The following OR2AT4 variants were observed in gnomAD, a reference collection of about 807,000 sequenced individuals.
OR2AT4 encodes the protein olfactory receptor family 2 subfamily AT member 4, also known as olfactory receptor 2AT4.
In OR2AT4, 6 loss-of-function variants were observed where a neutral mutation model predicts 10.3. The observed-to-expected ratio is 0.58, with a 90% confidence interval of 0.32 to 1.15. OR2AT4 has a LOEUF of 1.15. OR2AT4 is among the 50% of genes most tolerant of loss of function. OR2AT4 has a pLI of 0.05. For missense variants in OR2AT4, 354 were observed against 393.8 expected (o/e 0.90, Z 0.85); for synonymous variants, 145 against 159.1 (o/e 0.91, Z 0.67).
chr11:75,089,831 T>A, exon 2 of OR2AT4: 1 of 1,038,236 alleles, frequency 9.6e-7, no homozygotes, highest in Non-Finnish European at 1.4e-6. Flanking sequence ...GTTTACTCTG[T>A]AGGTAATATA....
chr11:75,090,329 T>C (rs4944974), exon 2 of OR2AT4: 34,309 of 152,570 alleles, frequency 0.22, 4,354 homozygotes, highest in East Asian at 0.35. Context: ...TGGTTCTTTC[T>C]GACTCCATTT....
At chr11:75,087,524 G>C (rs1215313204) in exon 2 of OR2AT4, 1 of 152,196 alleles carries the variant, frequency 6.6e-6, no homozygotes. Context: ...AGCGGTCAAG[G>C]CTGCAATGAG....
chr11:75,089,587 T>G (rs1318019037), exon 2 of OR2AT4: 1 of 1,613,774 alleles, frequency 6.2e-7, no homozygotes, highest in Non-Finnish European at 8.5e-7. Context: ...CCCATCAGGA[T>G]GAGAAGGTAG....
exon 2 of OR2AT4, chr11:75,088,740 G>A (rs1481414823): frequency 6.5e-7 from 1 of 1,543,886 alleles, no homozygotes; most frequent in Non-Finnish European, 8.7e-7. Flanking sequence ...AGAGTTAGCT[G>A]CATTTAAAGG....
intron 1 of OR2AT4, among the ~76,000 whole-genome samples, chr11:75,092,289 C>T (rs1235932867): frequency 3.9e-5 from 6 of 152,172 alleles, no homozygotes; most frequent in Admixed American, 1.3e-4. Flanking sequence ...ACAACCACTT[C>T]GGATAACAGT....
At chr11:75,081,869 A>G (rs540813038) in exon 2 of OR2AT4, 12 of 152,328 alleles carry the variant, frequency 7.9e-5, no homozygotes, top group Non-Finnish European at 8.8e-5. Context: ...TGCTGAAAAA[A>G]CTATAGATGA....
At chr11:75,083,506 A>C (rs1037031138) in exon 2 of OR2AT4, 5 of 152,196 alleles carry the variant, frequency 3.3e-5, no homozygotes, top group African/African-American at 1.2e-4. Context: ...AGAACATAAA[A>C]TAGAGCTATC....
chr11:75,090,160 G>A (rs1359380412), exon 2 of OR2AT4: 2 of 164,806 alleles, frequency 1.2e-5, no homozygotes, highest in African/African-American at 2.4e-5. Flanking sequence ...TTAAGTTGAT[G>A]TCAGATCTCA....
exon 2 of OR2AT4, chr11:75,083,752 A>G (rs944073011): frequency 2.0e-5 from 3 of 152,164 alleles, no homozygotes; most frequent in Non-Finnish European, 2.9e-5. Context: ...CTGGTGGATC[A>G]CCTGAGTTCA....
intron 1 of OR2AT4, among the ~76,000 whole-genome samples, chr11:75,094,302 A>G (rs1013440218): frequency 6.6e-6 from 1 of 151,850 alleles, no homozygotes; most frequent in East Asian, 1.9e-4. Context: ...GAGGGGAGAG[A>G]CTGGGGCAAA....
chr11:75,090,785 G>A (rs1246742799), intron 1 of OR2AT4, among the ~76,000 whole-genome samples: 1 of 151,854 alleles, frequency 6.6e-6, no homozygotes, highest in African/African-American at 2.4e-5. Flanking sequence ...GCCTCTAAAA[G>A]ACAAAACAAA....
At chr11:75,087,019 T>A (rs1241752926) in exon 2 of OR2AT4, 2 of 152,182 alleles carry the variant, frequency 1.3e-5, no homozygotes, top group Non-Finnish European at 2.9e-5. Context: ...TACTATTGAC[T>A]CTTCAAAAGT....
exon 2 of OR2AT4, chr11:75,087,903 A>G (rs1949297883): frequency 6.6e-6 from 1 of 152,188 alleles, no homozygotes; most frequent in Admixed American, 6.5e-5. Flanking sequence ...CCTTATAGAT[A>G]ACCATCTTTA....
chr11:75,091,229 T>C (rs888904651), intron 1 of OR2AT4, among the ~76,000 whole-genome samples: 11 of 152,232 alleles, frequency 7.2e-5, no homozygotes, highest in African/African-American at 2.7e-4. Context: ...CTGGGGCCTC[T>C]GTGAATCTAA....
At chr11:75,094,676 A>G (rs1949337929) in intron 1 of OR2AT4, among the ~76,000 whole-genome samples, 1 of 152,180 alleles carries the variant, frequency 6.6e-6, no homozygotes, top group Non-Finnish European at 1.5e-5. Flanking sequence ...TGAGCCCAGG[A>G]GTTCAAGACT....
At chr11:75,092,459 T>C (rs191248844) in intron 1 of OR2AT4, among the ~76,000 whole-genome samples, 256 of 152,228 alleles carry the variant, frequency 1.7e-3, no homozygotes, top group African/African-American at 5.8e-3. Context: ...TATATAGATA[T>C]CTATAGATAT....
chr11:75,092,156 G>C (rs1030018017), intron 1 of OR2AT4, among the ~76,000 whole-genome samples: 11 of 152,142 alleles, frequency 7.2e-5, no homozygotes, highest in Admixed American at 1.3e-4. Flanking sequence ...GCCATCTAGA[G>C]ATGTAAATTA....
chr11:75,085,933 A>G (rs1949288203), exon 2 of OR2AT4: 1 of 152,180 alleles, frequency 6.6e-6, no homozygotes, highest in South Asian at 2.1e-4. Context: ...TGGAATTTCA[A>G]CATTGACTAT....
exon 2 of OR2AT4, chr11:75,090,147 G>T: frequency 5.9e-6 from 1 of 168,270 alleles, no homozygotes; most frequent in East Asian, 1.6e-4. Context: ...CATGCTGTGT[G>T]GTTTAAGTTG....
Sources: gnomAD v4.1 joint callset for allele counts (sites outside exome capture counted in the v4.1 genomes callset) on GRCh38, gnomAD v4.1.1 for gene constraint, MANE v1.5 for transcripts, NCBI Gene and HGNC (gene_info 2026-07-23, HGNC 2026-07-21) for gene names.